PARD3: variants seen among roughly 807,000 people sequenced by gnomAD.
The protein encoded by PARD3 is par-3 family cell polarity regulator, also known as partitioning defective 3 homolog.
Under a neutral mutation model 155.4 loss-of-function variants are expected in PARD3, and 75 were observed. That is an observed-to-expected ratio of 0.48 (90% CI 0.40 to 0.58). The LOEUF (loss-of-function observed/expected upper bound fraction) is 0.58, where lower values mean the gene tolerates loss of function less well. Among genes scored for constraint, PARD3 ranks in the 20% least tolerant of loss-of-function variants. PARD3 has a pLI of 0.00. For missense variants in PARD3, 1,642 were observed against 1,721.7 expected (o/e 0.95, Z 0.82); for synonymous variants, 576 against 610.5 (o/e 0.94, Z 0.83).
intron 5 of PARD3, among the ~76,000 whole-genome samples, chr10:34,412,501 T>C (rs1845191752): frequency 6.6e-6 from 1 of 152,332 alleles, no homozygotes; most frequent in East Asian, 1.9e-4. Context: ...CCTTTAGAAA[T>C]ATTTCTTACC....
chr10:34,300,943 C>G (rs1957118237), intron 20 of PARD3, among the ~76,000 whole-genome samples: 1 of 152,186 alleles, frequency 6.6e-6, no homozygotes, highest in African/African-American at 2.4e-5. Context: ...TTTCCTGCAA[C>G]TTTTGTTAAG....
intron 7 of PARD3, among the ~76,000 whole-genome samples, chr10:34,394,211 A>T (rs1843112480): frequency 6.6e-6 from 1 of 152,148 alleles, no homozygotes. Context: ...TTTTTAGTAT[A>T]CATAGGGTTT....
At chr10:34,551,858 C>G (rs897239759) in intron 2 of PARD3, among the ~76,000 whole-genome samples, 3 of 152,106 alleles carry the variant, frequency 2.0e-5, no homozygotes, top group Admixed American at 6.5e-5. Context: ...GAGAAGCCAC[C>G]AGGATTAGTC....
intron 1 of PARD3, among the ~76,000 whole-genome samples, chr10:34,704,165 C>T (rs2094328354): frequency 6.6e-6 from 1 of 152,110 alleles, no homozygotes; most frequent in African/African-American, 2.4e-5. Context: ...GAAAGAGTAC[C>T]CAATGCAACT....
chr10:34,492,508 T>G (rs573090158), intron 3 of PARD3, among the ~76,000 whole-genome samples: 2 of 152,368 alleles, frequency 1.3e-5, no homozygotes, highest in African/African-American at 4.8e-5. Context: ...TCTAGAAAGA[T>G]TGCTTACAAA....
intron 2 of PARD3, among the ~76,000 whole-genome samples, chr10:34,588,483 C>T (rs1285766013): frequency 3.3e-5 from 5 of 152,134 alleles, no homozygotes; most frequent in Admixed American, 3.3e-4. Context: ...GTTTAATCAC[C>T]CGGCGCTTCA....
intron 1 of PARD3, among the ~76,000 whole-genome samples, chr10:34,783,622 A>AG (rs1026459004): frequency 2.0e-5 from 3 of 151,344 alleles, no homozygotes; most frequent in African/African-American, 7.3e-5. Context: ...AAAAAAAAAA[A>AG]AAAAAAAGAA....
intron 2 of PARD3, among the ~76,000 whole-genome samples, chr10:34,681,739 TATATATATATATATATATATATATATATA>T (rs1308139313): frequency 5.0e-4 from 7 of 14,128 alleles, no homozygotes; most frequent in African/African-American, 2.0e-3. Flanking sequence ...TTTATATATA[TATATATATATATATATATATATATATATA>T]TTTTTTTTTT....
intron 2 of PARD3, among the ~76,000 whole-genome samples, chr10:34,642,510 G>A (rs549778077): frequency 1.3e-5 from 2 of 151,902 alleles, no homozygotes; most frequent in East Asian, 3.9e-4. Flanking sequence ...GAACTTCCAG[G>A]TCCATTTCTC....
At chr10:34,353,702 G>T (rs1466329358) in intron 14 of PARD3, among the ~76,000 whole-genome samples, 2 of 126,860 alleles carry the variant, frequency 1.6e-5, no homozygotes, top group Non-Finnish European at 3.1e-5. Flanking sequence ...AAACACCCAA[G>T]AATGATCAAT....
At chr10:34,569,223 C>T (rs11009818) in intron 2 of PARD3, among the ~76,000 whole-genome samples, 9,685 of 151,926 alleles carry the variant, frequency 0.064, 986 homozygotes, top group African/African-American at 0.22. Flanking sequence ...TGTAGAGAAA[C>T]GCAAAATCAT....
chr10:34,199,816 G>A (rs1166490940), intron 22 of PARD3, among the ~76,000 whole-genome samples: 12 of 152,204 alleles, frequency 7.9e-5, no homozygotes, highest in African/African-American at 2.2e-4. Context: ...CAAGTCCCTC[G>A]TTAGAGCAAT....
intron 1 of PARD3, among the ~76,000 whole-genome samples, chr10:34,765,327 G>T (rs1837949480): frequency 6.6e-6 from 1 of 152,160 alleles, no homozygotes; most frequent in South Asian, 2.1e-4. Context: ...TCAGGAGAAA[G>T]AAAGCCACAT....
At chr10:34,310,371 A>G (rs1022735802) in intron 20 of PARD3, among the ~76,000 whole-genome samples, 2 of 152,218 alleles carry the variant, frequency 1.3e-5, no homozygotes, top group African/African-American at 4.8e-5. Flanking sequence ...TGCAGAAAAA[A>G]GATTCCATTT....
chr10:34,769,904 A>G (rs1202824109), intron 1 of PARD3, among the ~76,000 whole-genome samples: 1 of 151,948 alleles, frequency 6.6e-6, no homozygotes, highest in Non-Finnish European at 1.5e-5. Context: ...TCATACTTAC[A>G]AGGGGTCCTT....
intron 22 of PARD3, among the ~76,000 whole-genome samples, chr10:34,145,316 T>C (rs1217971319): frequency 6.7e-6 from 1 of 149,076 alleles, no homozygotes; most frequent in Non-Finnish European, 1.5e-5. Flanking sequence ...TGCTCAGCAC[T>C]AGGTGATTCT....
At chr10:34,771,446 CT>C (rs1228016050) in intron 1 of PARD3, among the ~76,000 whole-genome samples, 1 of 152,324 alleles carries the variant, frequency 6.6e-6, no homozygotes, top group African/African-American at 2.4e-5. Flanking sequence ...TGAAGGAAGG[CT>C]GGCTACAGTT....
intron 22 of PARD3, among the ~76,000 whole-genome samples, chr10:34,177,831 G>A (rs954171217): frequency 1.3e-5 from 2 of 152,164 alleles, no homozygotes; most frequent in Non-Finnish European, 2.9e-5. Flanking sequence ...GGGGGTCCTC[G>A]CTTTCCTTGG....
At chr10:34,401,966 G>C in intron 5 of PARD3, 49 bp from the exon 6 acceptor site, 1 of 1,402,564 alleles carries the variant, frequency 7.1e-7, no homozygotes, top group South Asian at 1.2e-5. Flanking sequence ...TAGGTTTCTT[G>C]CTACAATGTG....
Sources: gnomAD v4.1 joint callset for allele counts (sites outside exome capture counted in the v4.1 genomes callset) on GRCh38, gnomAD v4.1.1 for gene constraint, MANE v1.5 for transcripts, NCBI Gene and HGNC (gene_info 2026-07-23, HGNC 2026-07-21) for gene names.